PKHD1L1: variants seen among roughly 807,000 people sequenced by gnomAD.
PKHD1L1 encodes PKHD1 like 1.
Under a neutral mutation model 462.9 loss-of-function variants are expected in PKHD1L1, and 434 were observed. The observed-to-expected ratio is 0.94, with a 90% CI of 0.87 to 1.02. The LOEUF is 1.02. PKHD1L1 is among the 50% of genes least tolerant of loss of function. The pLI is 0.00. For synonymous variants in PKHD1L1, 1,781 were observed against 1,750.0 expected, an observed-to-expected ratio of 1.02 and a Z score of -0.44; for missense variants, 5,202 against 5,096.1, an observed-to-expected ratio of 1.02 and a Z score of -0.63.
At position 109,408,054 on chromosome 8, in the gene PKHD1L1, T is replaced by G. The variant is rs1249404700; in HGVS notation, c.1819T>G (p.Phe607Val). Residue 607 changes from phenylalanine to valine, a missense_variant, in exon 18 of 78, where the codon TTT (phenylalanine) becomes GTT (valine). Around this residue, in one of 3 missense-constraint regions of PKHD1L1, gnomAD observed 4,497 missense variants for 4,336.8 expected, o/e 1.04. Coordinates refer to ENST00000378402, the MANE Select transcript of PKHD1L1 (RefSeq NM_177531.6). ...MVTFISTRGDFDLLGYEVVEG... is the reference protein window; with the variant it reads ...MVTFISTRGDVDLLGYEVVEG... Reference sequence around the variant, plus strand: ...TGTTTGTCACTTAATTTCAGGAGACTTTGATCTGCTTGGTTATGAAGTAGT... The same window carrying G: ...TGTTTGTCACTTAATTTCAGGAGACGTTGATCTGCTTGGTTATGAAGTAGT... 1 of 1,595,224 alleles carries G rather than the reference T, an allele frequency of 6.3e-7. No individual in the cohort carries two copies. The highest frequency in any genetic ancestry group is 2.2e-5 in the East Asian group (1 of 44,516).
rs1815824705 is a variant in PKHD1L1, at chr8:109,442,066, G to A, written c.4264G>A (p.Val1422Met). Reference sequence around the variant, plus strand: ...CCTAAATGTGTCTGTGGGGGACACAGTGGCATGGCATTGGCAAACACATCC... The same window carrying A: ...CCTAAATGTGTCTGTGGGGGACACAATGGCATGGCATTGGCAAACACATCC... ...PVLNVSVGDT[V>M]AWHWQTHPFL... The change falls in exon 35 of 78, where the codon GTG becomes ATG. Residue 1422 changes from valine (V) to methionine (M), a missense_variant. Coordinates refer to ENST00000378402, the MANE Select transcript of PKHD1L1 (RefSeq NM_177531.6). The A allele has an allele frequency of 6.2e-7, 1 of 1,613,478 alleles. No homozygotes were observed. Among genetic ancestry groups the A allele is most frequent in the Non-Finnish European group, 8.5e-7 (1 of 1,179,578 alleles).
chr8:109,403,108 T>A (rs1813357571), intron 14 of PKHD1L1, among the ~76,000 whole-genome samples: 1 of 152,162 alleles, frequency 6.6e-6, no homozygotes, highest in Admixed American at 6.6e-5. Flanking sequence ...AGAGTTTGAA[T>A]GAAAGCAACT....
chr8:109,492,382 A>G (rs957164228), intron 62 of PKHD1L1, among the ~76,000 whole-genome samples: 13 of 151,850 alleles, frequency 8.6e-5, no homozygotes, highest in African/African-American at 3.1e-4. Context: ...TGATATTACT[A>G]ATTGGAACCT....
At position 109,412,394 on chromosome 8, in the gene PKHD1L1, T is replaced by C; in HGVS notation, c.2215T>C (p.Leu739=). 1.9e-6 allele frequency: 3 copies of C among 1,612,664 alleles called. No individual in the cohort carries two copies. The highest frequency in any genetic ancestry group is 2.5e-6 in the Non-Finnish European group (3 of 1,179,228). The part of the protein sequence containing the change: ...KPNRRPYGDI[L]LFPYNQLCLA... ...AAACAGACGACCATATGGAGATATT[T>C]TATTGTTTCCTTATAATCAGGTAAG... is the stretch of plus-strand genomic sequence containing the variant. Residue 739 remains leucine, a synonymous_variant, in exon 20 of 78, where the codon TTA becomes CTA. Transcript: ENST00000378402.
Position 109,466,749 on chromosome 8 carries a change from T to C in PKHD1L1, c.8585T>C (p.Val2862Ala). The C allele has an allele frequency of 1.2e-6, 2 of 1,612,556 alleles. No individual in the cohort carries two copies. Among genetic ancestry groups the C allele is most frequent in the South Asian group, 1.1e-5 (1 of 90,820 alleles). The change falls in exon 50 of 78, where the codon GTG becomes GCG. Residue 2862 changes from valine to alanine, a missense_variant. Val to Ala is a moderately conservative substitution (Grantham distance 64). Coordinates refer to ENST00000378402, the MANE Select transcript of PKHD1L1 (RefSeq NM_177531.6). ...CCAGTATCTCTGCTTGAAAAGGATGTGGTTCTTTCAGACTCTTTTGGTAAG... is the reference window on the plus strand; with the variant it reads ...CCAGTATCTCTGCTTGAAAAGGATGCGGTTCTTTCAGACTCTTTTGGTAAG... ...PSPVSLLEKD[V>A]VLSDSFGTSI...
At chr8:109,475,847 C>CA (rs35419700) in intron 51 of PKHD1L1, among the ~76,000 whole-genome samples, 2,005 of 95,138 alleles carry the variant, frequency 0.021, 78 homozygotes, top group African/African-American at 0.061. Context: ...GACTCCATCT[C>CA]AAAAAAAAAA....
At chr8:109,492,392 T>C (rs1434543289) in intron 62 of PKHD1L1, among the ~76,000 whole-genome samples, 1 of 151,894 alleles carries the variant, frequency 6.6e-6, no homozygotes, top group African/African-American at 2.4e-5. Context: ...AATTGGAACC[T>C]TCTTGTTTCC....
intron 8 of PKHD1L1, among the ~76,000 whole-genome samples, chr8:109,389,981 T>A (rs56111098): frequency 0.025 from 3,779 of 152,030 alleles, 76 homozygotes; most frequent in Middle Eastern, 0.051. Flanking sequence ...TTTTTTTTTT[T>A]AAATAGCATT....
At position 109,497,045 on chromosome 8, in the gene PKHD1L1, G is replaced by T; in HGVS notation, c.10454G>T (p.Trp3485Leu). ...LIQGFTIWTC[W>L]DYGIYFQTTE... ...CAAGGATTTACCATTTGGACATGCTGGGATTATGGAATTTATTTTCAGGTA... is the reference window on the plus strand; with the variant it reads ...CAAGGATTTACCATTTGGACATGCTTGGATTATGGAATTTATTTTCAGGTA... Residue 3485 changes from tryptophan (W) to leucine (L), a missense_variant, in exon 64 of 78, where the codon TGG becomes TTG. Trp to Leu is a moderately conservative substitution (Grantham distance 61, BLOSUM62 -2). Coordinates refer to ENST00000378402, the MANE Select transcript of PKHD1L1 (RefSeq NM_177531.6). 1 of 1,613,312 alleles carries T rather than the reference G, an allele frequency of 6.2e-7. No individual in the cohort carries two copies. The highest frequency in any genetic ancestry group is 8.5e-7 in the Non-Finnish European group (1 of 1,179,602).
In PKHD1L1 at chr8:109,485,033, A is replaced by G. The variant is rs1450326343; in HGVS notation, c.9577-11A>G. On this transcript the variant is annotated splice_polypyrimidine_tract_variant and intron_variant, in intron 57 of 77. Transcript: ENST00000378402. The stretch of plus-strand genomic sequence containing the variant: ...AATTGTTCTTAAATTTGGCACTTGA[A>G]TTTTTCTAAGGAGGGAGAAGAGATT... The G allele has an allele frequency of 6.4e-7, 1 of 1,562,586 alleles. No individual in the cohort carries two copies. Among genetic ancestry groups the G allele is most frequent in the Admixed American group, 2.1e-5 (1 of 48,112 alleles).
chr8:109,468,094 C>A (rs538493577), intron 50 of PKHD1L1, among the ~76,000 whole-genome samples: 5 of 152,002 alleles, frequency 3.3e-5, no homozygotes, highest in Non-Finnish European at 4.4e-5. Flanking sequence ...AAATTTTAAA[C>A]GATGTATCTC....
intron 71 of PKHD1L1, among the ~76,000 whole-genome samples, chr8:109,513,105 A>G (rs933275107): frequency 9.3e-5 from 14 of 151,126 alleles, no homozygotes; most frequent in African/African-American, 2.9e-4. Flanking sequence ...GGCTGAGACA[A>G]TGGGGTTTTC....
chr8:109,455,533 T>C (rs1203418420), intron 45 of PKHD1L1, among the ~76,000 whole-genome samples: 1 of 152,184 alleles, frequency 6.6e-6, no homozygotes, highest in Non-Finnish European at 1.5e-5. Context: ...TATGTATTTA[T>C]ATATATAAAA....
intron 21 of PKHD1L1, among the ~76,000 whole-genome samples, chr8:109,416,287 T>A (rs1814166401): frequency 6.6e-6 from 1 of 152,222 alleles, no homozygotes; most frequent in African/African-American, 2.4e-5. Flanking sequence ...CCACAGAATG[T>A]AAAGAAAGAG....
intron 30 of PKHD1L1, 105 bp downstream of exon 30, chr8:109,436,564 A>G: frequency 6.7e-7 from 1 of 1,499,964 alleles, no homozygotes; most frequent in Non-Finnish European, 8.8e-7. Context: ...GTATTTACTT[A>G]GGAACTGCAG....
chr8:109,385,702 C>A, intron 6 of PKHD1L1, 72 bp downstream of exon 6: 7 of 951,916 alleles, frequency 7.4e-6, no homozygotes, highest in South Asian at 3.7e-5. Context: ...ATAATGGGTC[C>A]AATGATATTA....
At position 109,405,097 on chromosome 8, in the gene PKHD1L1, C is replaced by G; in HGVS notation, c.1636C>G (p.Gln546Glu). 1 of 1,502,886 alleles carries G rather than the reference C, an allele frequency of 6.7e-7. No homozygotes were observed. The highest frequency in any genetic ancestry group is 1.9e-5 in the Admixed American group (1 of 52,538). The allele number at this position is 1,502,886 out of a possible 1,614,324, so 93.1% of individuals were successfully genotyped here. The change falls in exon 16 of 78, where the codon CAA becomes GAA. Residue 546 changes from glutamine to glutamate, a missense_variant. This residue lies in a region of PKHD1L1 where 4,497 missense variants were observed against 4,336.8 expected (regional missense o/e 1.04). Transcript: ENST00000378402. ...GGAAGCTAATTCATGTTCACTTTAC[C>G]AATATAGATTAATCTATAATATGGA... ...CVEANSCSLYQYRLIYNMEKT... is the reference protein window; with the variant it reads ...CVEANSCSLYEYRLIYNMEKT...
At chr8:109,490,744 G>T (rs535643128) in intron 60 of PKHD1L1, among the ~76,000 whole-genome samples, 7 of 151,570 alleles carry the variant, frequency 4.6e-5, no homozygotes, top group African/African-American at 1.7e-4. Flanking sequence ...TGCATTTAAA[G>T]TAAGCATATA....
intron 21 of PKHD1L1, among the ~76,000 whole-genome samples, chr8:109,415,864 GGT>G (rs552265043): frequency 0.039 from 3,864 of 100,284 alleles, 88 homozygotes; most frequent in Middle Eastern, 0.084. Context: ...AAAAAAAAGG[GGT>G]GTGTGTGTGT....
Sources: gnomAD v4.1 joint callset for allele counts (sites outside exome capture counted in the v4.1 genomes callset) on GRCh38, gnomAD v4.1.1 for gene constraint, gnomAD v4.1.1 regional missense constraint, MANE v1.5 for transcripts, NCBI Gene and HGNC (gene_info 2026-07-23, HGNC 2026-07-21) for gene names.